CDHR1: variants seen among roughly 807,000 people sequenced by gnomAD.
CDHR1 encodes cadherin related family member 1.
Under a neutral mutation model 72.1 loss-of-function variants are expected in CDHR1, and 61 were observed. The ratio of observed to expected loss-of-function variants is 0.85; its 90% CI spans 0.69 to 1.05. The LOEUF is 1.05. Among genes scored for constraint, CDHR1 ranks in the 50% least tolerant of loss-of-function variants. The pLI, the probability that CDHR1 is intolerant of heterozygous loss-of-function variation, is 0.00. For missense variants in CDHR1, 1,186 were observed against 1,115.7 expected (o/e 1.06, Z -0.90); for synonymous variants, 470 against 448.1 (o/e 1.05, Z -0.62).
Position 84,194,705 on chromosome 10 carries a change from C to G in CDHR1, c.-56C>G. On this transcript the variant is annotated 5_prime_UTR_variant, in exon 1 of 17. Transcript: ENST00000623527. ...CTCCCCGCGGGCCCAGGGCATGCTCCGTGCCCCTGCGCCCGGTCTCGGCGG... is the reference window on the plus strand; with the variant it reads ...CTCCCCGCGGGCCCAGGGCATGCTCGGTGCCCCTGCGCCCGGTCTCGGCGG... 2 of 1,416,540 alleles carry G rather than the reference C, an allele frequency of 1.4e-6. No individual in the cohort carries two copies. The highest frequency in any genetic ancestry group is 1.4e-5 in the South Asian group (1 of 69,078). The allele number at this position is 1,416,540 out of a possible 1,614,324, so 87.7% of individuals were successfully genotyped here. A position where few individuals can be genotyped will look rare whatever the true frequency, so the allele number is the denominator to read the frequency against.
At chr10:84,204,209 G>A (rs1158601560) in intron 8 of CDHR1, among the ~76,000 whole-genome samples, 1 of 152,174 alleles carries the variant, frequency 6.6e-6, no homozygotes, top group East Asian at 1.9e-4. Context: ...AGAGGTTAGG[G>A]AGCAGTAGAG....
chr10:84,206,566 G>A (rs573509966), intron 10 of CDHR1, among the ~76,000 whole-genome samples: 1 of 152,320 alleles, frequency 6.6e-6, no homozygotes, highest in South Asian at 2.1e-4. Context: ...CTACCCAAGA[G>A]CAGTAAGGAG....
intron 1 of CDHR1, 34 bp downstream of exon 1, chr10:84,194,849 A>C (rs1273904862): frequency 7.2e-6 from 11 of 1,529,878 alleles, no homozygotes; most frequent in Middle Eastern, 1.9e-4. Context: ...GGCCGCGTGG[A>C]TGGCGAGGGA....
chr10:84,203,981 G>C (rs537609375), intron 8 of CDHR1, among the ~76,000 whole-genome samples: 1 of 152,260 alleles, frequency 6.6e-6, no homozygotes, highest in South Asian at 2.1e-4. Context: ...GCTTGTGTAG[G>C]GGGGCTTAAG....
chr10:84,197,430 A>G (rs1185717449), intron 3 of CDHR1, among the ~76,000 whole-genome samples: 2 of 152,102 alleles, frequency 1.3e-5, no homozygotes, highest in Non-Finnish European at 2.9e-5. Context: ...AAAAGGGGAG[A>G]AAAGGGAAAA....
At position 84,199,075 on chromosome 10, in the gene CDHR1, A is replaced by G; in HGVS notation, c.392A>G (p.Glu131Gly). The part of the protein sequence containing the change: ...VVILVTDAND[E>G]APRFIQEPYV... ...ATCCTGGTGACCGATGCCAATGATG[A>G]GGCGCCCAGGTTCATCCAGGAGCCT... The change falls in exon 5 of 17, where the codon GAG becomes GGG. Residue 131 changes from glutamate to glycine, a missense_variant. Transcript: ENST00000623527. The G allele has an allele frequency of 6.4e-7, 1 of 1,551,550 alleles. No individual in the cohort carries two copies. The highest frequency in any genetic ancestry group is 1.2e-5 in the South Asian group (1 of 84,046).
In CDHR1 at chr10:84,217,264, A is replaced by T. The variant is rs1059342; in HGVS notation, c.*2643A>T. 0.24 allele frequency: 241,079 copies of T among 985,336 alleles called. 30,746 individuals carry two copies. The highest frequency in any genetic ancestry group is 0.42 in the African/African-American group (23,803 of 57,294). The allele number at this position is 985,336 out of a possible 1,614,324, so 61.0% of individuals were successfully genotyped here. ...CTGGCACCATGGTAGGCCTCCAGGG[A>T]AAGAGCTGGGAGGCAGGAATGGCAC... On this transcript the variant is annotated 3_prime_UTR_variant, in exon 17 of 17. Transcript: ENST00000623527.
rs776546093 is a variant in CDHR1 at position 84,200,595 on chromosome 10, C to T, written c.439-6C>T. Reference sequence around the variant, plus strand: ...TGACCCTCCCCTGTGGCTGTGACCCCCTCAGGACATACCTGCTGGGAGCAT... The same window carrying T: ...TGACCCTCCCCTGTGGCTGTGACCCTCTCAGGACATACCTGCTGGGAGCAT... On this transcript the variant is annotated splice_region_variant and splice_polypyrimidine_tract_variant and intron_variant, in intron 5 of 16. Coordinates refer to ENST00000623527, the MANE Select transcript of CDHR1 (RefSeq NM_033100.4). 2.2e-5 allele frequency: 35 copies of T among 1,605,728 alleles called. No homozygotes were observed. The highest frequency in any genetic ancestry group is 1.0e-5 in the Non-Finnish European group (12 of 1,175,498).
intron 4 of CDHR1, 99 bp downstream of exon 4, chr10:84,197,935 T>C: frequency 5.9e-6 from 7 of 1,177,610 alleles, no homozygotes; most frequent in Admixed American, 3.6e-5. Context: ...ATGGGGGCTT[T>C]TCTGCAAGTT....
intron 9 of CDHR1, among the ~76,000 whole-genome samples, chr10:84,205,514 TCACACACACACACA>T (rs33921515): frequency 2.8e-5 from 4 of 145,004 alleles, no homozygotes; most frequent in African/African-American, 7.7e-5. Flanking sequence ...TCTCTTTTCT[TCACACACACACACA>T]CACACACACA....
At chr10:84,218,828 C>A, downstream of CDHR1, 1 of 943,800 alleles carries the variant, frequency 1.1e-6, no homozygotes, top group Non-Finnish European at 1.3e-6. Context: ...ATGTGATATT[C>A]CAAATGGCCC....
At chr10:84,198,516 C>T (rs1297306352) in intron 4 of CDHR1, among the ~76,000 whole-genome samples, 2 of 152,250 alleles carry the variant, frequency 1.3e-5, no homozygotes, top group Non-Finnish European at 2.9e-5. Flanking sequence ...TTTGCACATA[C>T]AACCCCTTCT....
chr10:84,214,296 G>C lies in CDHR1; in HGVS notation c.2255G>C (p.Arg752Pro), dbSNP rs766484539. ...KRPSPAPRTIRIEWLKSKSTK... is the reference protein window; with the variant it reads ...KRPSPAPRTIPIEWLKSKSTK... The stretch of plus-strand genomic sequence containing the variant: ...CCCAGCCCTGCGCCCCGCACCATCC[G>C]CATTGAGTGGCTCAAGTCCAAGAGC... Residue 752 changes from arginine to proline, a missense_variant, in exon 17 of 17, where the codon CGC (arginine) becomes CCC (proline). Arg to Pro is a moderately radical substitution (Grantham distance 103). Transcript: ENST00000623527. 3.1e-6 allele frequency: 5 copies of C among 1,613,988 alleles called. No homozygotes were observed. In the South Asian group the frequency reaches 4.4e-5, roughly 14 times the overall value.
intron 14 of CDHR1, 146 bp from the exon 15 acceptor site, chr10:84,212,033 A>G: frequency 1.3e-6 from 1 of 745,108 alleles, no homozygotes; most frequent in Non-Finnish European, 2.4e-6. Context: ...GATTGCAAGG[A>G]TAGGAGGGAG....
chr10:84,208,705 G>A (rs1397011711), intron 11 of CDHR1, 24 bp from the exon 12 acceptor site: 1 of 1,611,080 alleles, frequency 6.2e-7, no homozygotes, highest in East Asian at 2.2e-5. Flanking sequence ...CATCTTCCTT[G>A]TTTCCACTCT....
intron 4 of CDHR1, 33 bp downstream of exon 4, chr10:84,197,869 C>T (rs1246897330): frequency 6.2e-7 from 1 of 1,606,830 alleles, no homozygotes; most frequent in African/African-American, 1.3e-5. Flanking sequence ...CCCTGGCAGC[C>T]TGCAGTATTT....
rs754075245 is a variant in CDHR1, at chr10:84,214,132, C to T, written c.2091C>T (p.Asn697=). The change falls in exon 17 of 17, where the codon AAC becomes AAT. Residue 697 remains asparagine (N), a synonymous_variant. Transcript: ENST00000623527. ...MAAFLIQTKD[N]PMKAVGVLAG... ...CCTTCCTGATACAGACCAAGGACAA[C>T]CCCATGAAGGCCGTGGGTGTGCTGG... 1 of 1,614,222 alleles carries T rather than the reference C, an allele frequency of 6.2e-7. No individual in the cohort carries two copies. Among genetic ancestry groups the T allele is most frequent in the Non-Finnish European group, 8.5e-7 (1 of 1,180,044 alleles).
At position 84,208,174 on chromosome 10, in the gene CDHR1, G is replaced by C; in HGVS notation, c.964G>C (p.Val322Leu). 6.2e-7 allele frequency: 1 copy of C among 1,613,974 alleles called. No homozygotes were observed. The highest frequency in any genetic ancestry group is 1.1e-5 in the South Asian group (1 of 91,054). Residue 322 changes from valine (V) to leucine (L), a missense_variant and splice_region_variant, in exon 11 of 17, where the codon GTG becomes CTG. Coordinates refer to ENST00000623527, the MANE Select transcript of CDHR1 (RefSeq NM_033100.4). ...QREVYELHVQ[V>L]TEMSPAGSPA... ...CCATAGCCACTTGTCCCCATCCCAG[G>C]TGACTGAAATGAGCCCTGCGGGGAG...
At position 84,216,437 on chromosome 10, in the gene CDHR1, T is replaced by G; in HGVS notation, c.*1816T>G. ...AGGAGAGGACTGTGCTGGATCATGC[T>G]TGCCCTCCACAGGGAATACAGCATC... On this transcript the variant is annotated 3_prime_UTR_variant, in exon 17 of 17. Coordinates refer to ENST00000623527, the MANE Select transcript of CDHR1 (RefSeq NM_033100.4). 1.0e-6 allele frequency: 1 copy of G among 985,508 alleles called. No homozygotes were observed. The highest frequency in any genetic ancestry group is 1.2e-6 in the Non-Finnish European group (1 of 829,950). 61.0% of individuals were successfully genotyped at this position (985,508 alleles called of 1,614,324 possible). A position where few individuals can be genotyped will look rare whatever the true frequency, so the allele number is the denominator to read the frequency against.
Sources: gnomAD v4.1 joint callset for allele counts (sites outside exome capture counted in the v4.1 genomes callset) on GRCh38, gnomAD v4.1.1 for gene constraint, MANE v1.5 for transcripts, NCBI Gene and HGNC (gene_info 2026-07-23, HGNC 2026-07-21) for gene names.